The following GRIA3 variants were observed in gnomAD, a reference collection of about 807,000 sequenced individuals.
GRIA3 encodes the protein glutamate ionotropic receptor AMPA type subunit 3.
GRIA3 carries 3 observed loss-of-function variants against 63.0 expected under a neutral mutation model. The observed-to-expected ratio is 0.05, with a 90% CI of 0.02 to 0.12. The LOEUF is 0.12. GRIA3 is among the 10% of genes least tolerant of loss of function. The pLI, the probability that GRIA3 is intolerant of heterozygous loss-of-function variation, is 1.00. For missense variants in GRIA3, 347 were observed against 700.9 expected (o/e 0.50, Z 5.70); for synonymous variants, 274 against 257.9 (o/e 1.06, Z -0.60).
At chrX:123,314,750 C>T (rs1366740081) in intron 3 of GRIA3, among the ~76,000 whole-genome samples, 1 of 112,156 alleles carries the variant, frequency 8.9e-6, no homozygotes, top group African/African-American at 3.2e-5. Flanking sequence ...GGCAGGATTA[C>T]ATGCATTGCC....
chrX:123,432,876 A>T (rs1264348142), intron 12 of GRIA3, among the ~76,000 whole-genome samples: 1 of 111,709 alleles, frequency 9.0e-6, no homozygotes. Context: ...TTCCTCCCTT[A>T]GCTACACAGG....
chrX:123,279,302 T>C, intron 3 of GRIA3, among the ~76,000 whole-genome samples: 1 of 111,368 alleles, frequency 9.0e-6, no homozygotes, highest in Non-Finnish European at 1.9e-5. Context: ...AAGAAATCTA[T>C]TGTGCAGCAA....
At chrX:123,478,582 A>C (rs902563149) in intron 13 of GRIA3, among the ~76,000 whole-genome samples, 4 of 112,398 alleles carry the variant, frequency 3.6e-5, no homozygotes, top group Non-Finnish European at 7.5e-5. Context: ...TGAAGATAAG[A>C]TAGCCCCTCT....
At chrX:123,210,211 T>TAAATCC (rs1928007606) in intron 2 of GRIA3, among the ~76,000 whole-genome samples, 1 of 104,044 alleles carries the variant, frequency 9.6e-6, no homozygotes, top group Non-Finnish European at 2.0e-5. Flanking sequence ...TTTTGCTTCC[T>TAAATCC]AAATCCCCTA....
At chrX:123,472,731 T>C (rs1167225907) in intron 13 of GRIA3, among the ~76,000 whole-genome samples, 5 of 112,067 alleles carry the variant, frequency 4.5e-5, no homozygotes, top group Admixed American at 9.4e-5. Flanking sequence ...GAGGTTGTAA[T>C]TTAGAAATGT....
intron 3 of GRIA3, among the ~76,000 whole-genome samples, chrX:123,318,937 G>A (rs923874634): frequency 8.9e-6 from 1 of 112,057 alleles, no homozygotes; most frequent in Admixed American, 9.5e-5. Flanking sequence ...CACATGGCTG[G>A]GGAAGCCTCG....
chrX:123,219,807 C>T (rs1350830187), intron 2 of GRIA3, among the ~76,000 whole-genome samples: 1 of 112,405 alleles, frequency 8.9e-6, no homozygotes, highest in South Asian at 3.7e-4. Context: ...ATATTATCCA[C>T]AATTTCAAAG....
rs773902281 is a variant in GRIA3, at chrX:123,224,579, C to T, written c.269-28724C>T. Among the ~76,000 whole-genome samples, 209 of 110,983 alleles carry T rather than the reference C, an allele frequency of 1.9e-3. 3 individuals are homozygous for T. Among genetic ancestry groups the T allele is most frequent in the African/African-American group, 6.2e-3 (189 of 30,590 alleles). On this transcript the variant is annotated intron_variant, in intron 2 of 15. Transcript: ENST00000620443. The stretch of plus-strand genomic sequence containing the variant: ...TTCCACTCTGTTTAAAAACTTTTAT[C>T]GGGGCTTTTTTCTACTTATAAAATA...
At chrX:123,336,256 C>A (rs1175231470) in intron 4 of GRIA3, among the ~76,000 whole-genome samples, 2 of 112,240 alleles carry the variant, frequency 1.8e-5, no homozygotes, top group Non-Finnish European at 3.8e-5. Context: ...GACTCAAGTT[C>A]TTCACTGCAC....
rs1055553172 is a variant in GRIA3 at position 123,297,186 on chromosome X, T to C, written c.509-28840T>C. On this transcript the variant is annotated intron_variant, in intron 3 of 15. Coordinates refer to ENST00000620443, the MANE Select transcript of GRIA3 (RefSeq NM_007325.5). ...ATCAGAATCCACATTTACAAGATTC[T>C]CATGTGATTCCCGTGCATGTTAAAG... is the stretch of plus-strand genomic sequence containing the variant. 3.6e-5 allele frequency among the ~76,000 whole-genome samples: 4 copies of C among 111,128 alleles called. No homozygotes were observed. In the South Asian group the frequency reaches 1.5e-3, roughly 42 times the overall value.
chrX:123,346,630 C>T (rs2045051498), intron 4 of GRIA3, among the ~76,000 whole-genome samples: 1 of 112,456 alleles, frequency 8.9e-6, no homozygotes, highest in African/African-American at 3.2e-5. Flanking sequence ...TACTTTCTAT[C>T]TATAGCAAAT....
At chrX:123,419,409 C>CA (rs56305308) in intron 11 of GRIA3, among the ~76,000 whole-genome samples, 35 of 75,937 alleles carry the variant, frequency 4.6e-4, no homozygotes, top group Admixed American at 2.6e-3. Flanking sequence ...AACTCAGTCT[C>CA]AAAAAAAAAA....
chrX:123,450,391 G>A (rs751747024), intron 12 of GRIA3, among the ~76,000 whole-genome samples: 1 of 112,462 alleles, frequency 8.9e-6, no homozygotes, highest in African/African-American at 3.2e-5. Context: ...AGCTACTAAC[G>A]ATCTTTCCAC....
At chrX:123,452,226 A>G (rs1216995287) in intron 12 of GRIA3, among the ~76,000 whole-genome samples, 2 of 111,259 alleles carry the variant, frequency 1.8e-5, no homozygotes, top group Non-Finnish European at 3.8e-5. Flanking sequence ...GCCTCAGGCC[A>G]ATTAAACCAG....
At chrX:123,341,304 C>G (rs1171623394) in intron 4 of GRIA3, among the ~76,000 whole-genome samples, 1 of 111,958 alleles carries the variant, frequency 8.9e-6, no homozygotes, top group Non-Finnish European at 1.9e-5. Context: ...CTTGGTCTTC[C>G]AAGGCTCCAC....
intron 2 of GRIA3, among the ~76,000 whole-genome samples, chrX:123,193,943 G>C (rs748795580): frequency 6.6e-4 from 73 of 111,182 alleles, no homozygotes; most frequent in Non-Finnish European, 8.7e-4. Context: ...GCATTCAGAG[G>C]GGCGCTGGTA....
intron 3 of GRIA3, among the ~76,000 whole-genome samples, chrX:123,275,072 A>C: frequency 9.0e-6 from 1 of 111,489 alleles, no homozygotes; most frequent in East Asian, 2.8e-4. Flanking sequence ...ACAGAAGCGA[A>C]GGAATGCAAA....
chrX:123,472,556 C>G (rs1407541871), intron 13 of GRIA3, among the ~76,000 whole-genome samples: 2 of 111,529 alleles, frequency 1.8e-5, no homozygotes, highest in East Asian at 5.6e-4. Flanking sequence ...TTCCCTGAGC[C>G]CCTTCTCTCT....
intron 13 of GRIA3, among the ~76,000 whole-genome samples, chrX:123,467,576 T>C (rs752252764): frequency 2.7e-5 from 3 of 111,942 alleles, no homozygotes; most frequent in African/African-American, 6.5e-5. Flanking sequence ...AATTGTATCA[T>C]TGAAGTGAGT....
Sources: allele counts gnomAD v4.1 joint callset (sites outside exome capture counted in the v4.1 genomes callset), GRCh38; gene constraint gnomAD v4.1.1; transcripts MANE v1.5; gene names NCBI Gene and HGNC (gene_info 2026-07-23, HGNC 2026-07-21).